PLXNB1: variants seen among roughly 807,000 people sequenced by gnomAD.
PLXNB1 encodes plexin B1.
Under a neutral mutation model 209.4 loss-of-function variants are expected in PLXNB1, and 106 were observed. That is an observed-to-expected ratio of 0.51 (90% confidence interval 0.43 to 0.59). The LOEUF (loss-of-function observed/expected upper bound fraction) is 0.59. PLXNB1 is among the 20% of genes least tolerant of loss of function. The pLI, the probability that PLXNB1 is intolerant of heterozygous loss-of-function variation, is 0.00. For synonymous variants in PLXNB1, 1,167 were observed against 1,183.2 expected (o/e 0.99, Z 0.28); for missense variants, 2,357 against 2,853.2 (o/e 0.83, Z 3.96).
chr3:48,418,531 C>A lies in PLXNB1; in HGVS notation c.2967G>T (p.Glu989Asp), dbSNP rs1232672150. 6.2e-7 allele frequency: 1 copy of A among 1,600,820 alleles called. No individual in the cohort carries two copies. The highest frequency in any genetic ancestry group is 2.3e-5 in the East Asian group (1 of 43,752). The change falls in exon 14 of 38, where the codon GAG becomes GAT. Residue 989 changes from glutamate to aspartate, a missense_variant. Physicochemically the swap from Glu to Asp is conservative, Grantham distance 45 (BLOSUM62 2). Coordinates refer to ENST00000296440, the MANE Select transcript of PLXNB1 (RefSeq NM_001130082.3). This position sits in a 1 kb window ranked among gnomAD's most constrained non-coding sequence, Gnocchi z 6.6. ...CCACACGGAGCTCCGGCTGCAGAGC[C>A]TCATAGCTGAGCTGGAGAAATGGGA... ...VTCQQHQLSY[E>D]ALQPELRVGL...
At chr3:48,428,842 C>G (rs1391359756) in intron 1 of PLXNB1, among the ~76,000 whole-genome samples, 1 of 144,630 alleles carries the variant, frequency 6.9e-6, no homozygotes, top group Non-Finnish European at 1.5e-5. Flanking sequence ...TCAGGAGGCT[C>G]GAGGTCCGCC....
Position 48,413,536 on chromosome 3 carries a change from G to T in PLXNB1, c.4535+134C>A. On this transcript the variant is annotated intron_variant, in intron 23 of 37. Transcript: ENST00000296440. This position sits in a 1 kb window ranked among gnomAD's most constrained non-coding sequence, Gnocchi z 5.4. ...TGAGTTGTTGAACAGAGACCACTTG[G>T]CCTGCAAAGCGAAAATATTTACTCT... 3.2e-6 allele frequency: 3 copies of T among 946,492 alleles called. No homozygotes were observed. Among genetic ancestry groups the T allele is most frequent in the Non-Finnish European group, 4.6e-6 (3 of 650,774 alleles). 58.6% of individuals were successfully genotyped at this position (946,492 alleles called of 1,614,324 possible). A position where few individuals can be genotyped will look rare whatever the true frequency, so the allele number is the denominator to read the frequency against.
chr3:48,412,809 C>T lies in PLXNB1; in HGVS notation c.4787G>A (p.Arg1596Gln), dbSNP rs766760689. Residue 1596 changes from arginine (R) to glutamine (Q), a missense_variant, in exon 25 of 38, where the codon CGG becomes CAG. Physicochemically the swap from Arg to Gln is conservative, Grantham distance 43. Transcript: ENST00000296440. ...HRDLGVPESRRPTVEQGLGQL... is the reference protein window; with the variant it reads ...HRDLGVPESRQPTVEQGLGQL... ...CCCCAGCCCTTGCTCCACAGTGGGCCGTCTGCTCTCAGGCACACCCAGGTC... is the reference window on the plus strand; with the variant it reads ...CCCCAGCCCTTGCTCCACAGTGGGCTGTCTGCTCTCAGGCACACCCAGGTC... The T allele has an allele frequency of 1.2e-6, 2 of 1,613,634 alleles. No homozygotes were observed. The highest frequency in any genetic ancestry group is 2.2e-5 in the East Asian group (1 of 44,870).
At chr3:48,420,578 A>T in intron 10 of PLXNB1, 87 bp downstream of exon 10, 4 of 1,065,846 alleles carry the variant, frequency 3.8e-6, no homozygotes, top group Non-Finnish European at 5.8e-6. Context: ...AGCCTCACAT[A>T]GGCAGACAGA....
rs752392631 is a variant in PLXNB1 at position 48,421,404 on chromosome 3, C to CAT, written c.1654-21_1654-20insAT. The CAT allele has an allele frequency of 4.6e-6, 7 of 1,521,876 alleles. No homozygotes were observed. The highest frequency in any genetic ancestry group is 6.2e-6 in the Non-Finnish European group (7 of 1,132,534). The allele number at this position is 1,521,876 out of a possible 1,614,324, so 94.3% of individuals were successfully genotyped here. ...GAAAACCTGCCAAGAGAGCCAGGGA[C>CAT]ACACTGTTGGGGCTAGTGGGCAGCA... On this transcript the variant is annotated intron_variant, in intron 7 of 37. Transcript: ENST00000296440.
At chr3:48,428,699 G>A (rs1467146689) in intron 1 of PLXNB1, among the ~76,000 whole-genome samples, 1 of 151,698 alleles carries the variant, frequency 6.6e-6, no homozygotes, top group Non-Finnish European at 1.5e-5. Flanking sequence ...TGCCCGCCCT[G>A]TTTTCTGTGT....
Position 48,422,365 on chromosome 3 carries a change from G to A in PLXNB1, c.1385C>T (p.Thr462Ile). 1.2e-6 allele frequency: 2 copies of A among 1,610,050 alleles called. No homozygotes were observed. Among genetic ancestry groups the A allele is most frequent in the Non-Finnish European group, 1.7e-6 (2 of 1,178,050 alleles). The change falls in exon 5 of 38, where the codon ACC becomes ATC. Residue 462 changes from threonine (T) to isoleucine (I), a missense_variant. Physicochemically the swap from Thr to Ile is moderately conservative, Grantham distance 89 (BLOSUM62 -1). Transcript: ENST00000296440. ...GGTCATGACATACAGGTGCTCAAAG[G>A]TCCCATCAAAGGTGAGGTCTCTGCT... ...AVSRDLTFDG[T>I]FEHLYVMTQS...
Position 48,410,793 on chromosome 3 carries a change from T to C in PLXNB1, c.5416+75A>G. The C allele has an allele frequency of 7.1e-7, 1 of 1,411,734 alleles. No individual in the cohort carries two copies. 87.5% of individuals were successfully genotyped at this position (1,411,734 alleles called of 1,614,324 possible). On this transcript the variant is annotated intron_variant, in intron 29 of 37. Transcript: ENST00000296440. The surrounding 1 kb of genome is among the most constrained non-coding windows in gnomAD (Gnocchi z 6.4). ...CCTCCCCACCCTGAGTGATGAGTTG[T>C]CCCTGCAGAGTTGGTCCGGGGCCAG...
Position 48,409,354 on chromosome 3 carries a change from G to A in PLXNB1, c.6062C>T (p.Thr2021Ile), listed in dbSNP as rs374356441. ...VIAQTFMDAC[T>I]LADHKLGRDS... is the part of the protein sequence containing the mutation. ...CCGGCCCAGCTTGTGGTCGGCCAGG[G>A]TGCAGGCGTCCATGAAGGTCTGTGC... The change falls in exon 34 of 38, where the codon ACC (threonine) becomes ATC (isoleucine). Residue 2021 changes from threonine (T) to isoleucine (I), a missense_variant. This residue lies in a region of PLXNB1 where 414 missense variants were observed against 520.5 expected (regional missense o/e 0.80). Transcript: ENST00000296440. This position sits in a 1 kb window ranked among gnomAD's most constrained non-coding sequence, Gnocchi z 5.8. 2.4e-5 allele frequency: 39 copies of A among 1,614,070 alleles called. No individual in the cohort carries two copies. Among genetic ancestry groups the A allele is most frequent in the Non-Finnish European group, 3.0e-5 (35 of 1,180,048 alleles).
chr3:48,408,871 G>A (rs375016824), intron 34 of PLXNB1, among the ~76,000 whole-genome samples: 4 of 151,926 alleles, frequency 2.6e-5, no homozygotes, highest in Non-Finnish European at 4.4e-5. Context: ...CCTCCCACCC[G>A]GCTTGAACCC....
chr3:48,408,616 T>C (rs1208817988), intron 34 of PLXNB1, among the ~76,000 whole-genome samples: 1 of 151,884 alleles, frequency 6.6e-6, no homozygotes, highest in Admixed American at 6.6e-5. Flanking sequence ...CTCCATGAAC[T>C]CTCTTCCCTA....
rs2037695963 is a variant in PLXNB1, at chr3:48,411,727, G to A, written c.5247+136C>T. ...CTAGTCTGATGGGCTCTCTCCAGGA[G>A]CCAGCCAGAGGTCAACCCAGCTCTA... On this transcript the variant is annotated intron_variant, in intron 28 of 37. Transcript: ENST00000296440. The surrounding 1 kb of genome is among the most constrained non-coding windows in gnomAD (Gnocchi z 4.0). 4.0e-6 allele frequency: 4 copies of A among 994,106 alleles called. No homozygotes were observed. In the South Asian group the frequency reaches 4.7e-5, roughly 12 times the overall value. The allele number at this position is 994,106 out of a possible 1,614,324, so 61.6% of individuals were successfully genotyped here.
At chr3:48,421,884 G>A in intron 6 of PLXNB1, 78 bp from the exon 7 acceptor site, 1 of 1,535,728 alleles carries the variant, frequency 6.5e-7, no homozygotes, top group Non-Finnish European at 8.8e-7. Context: ...CCTACAATCT[G>A]GAGGACCTGG....
In PLXNB1 at chr3:48,409,091, C is replaced by G. The variant is rs1575379002; in HGVS notation, c.6087+238G>C. Among the ~76,000 whole-genome samples, 1 of 152,352 alleles carries G rather than the reference C, an allele frequency of 6.6e-6. No homozygotes were observed. Among genetic ancestry groups the G allele is most frequent in the East Asian group, 1.9e-4 (1 of 5,182 alleles). On this transcript the variant is annotated intron_variant, in intron 34 of 37. Coordinates refer to ENST00000296440, the MANE Select transcript of PLXNB1 (RefSeq NM_001130082.3). The surrounding 1 kb of genome is among the most constrained non-coding windows in gnomAD (Gnocchi z 5.8). The stretch of plus-strand genomic sequence containing the variant: ...CCACGCCTGGCCAGCATTCTATGCC[C>G]CAGCCACACCAGGCTGTACTTGCTG...
chr3:48,412,388 C>T, intron 26 of PLXNB1, 54 bp downstream of exon 26: 2 of 1,611,218 alleles, frequency 1.2e-6, no homozygotes, highest in Non-Finnish European at 1.7e-6. Flanking sequence ...AGCCCGAGGC[C>T]CCACCCCAGC....
Position 48,410,977 on chromosome 3 carries a change from C to T in PLXNB1, c.5307G>A (p.Val1769=). The change falls in exon 29 of 38, where the codon GTG becomes GTA. Residue 1769 remains valine, a synonymous_variant. Coordinates refer to ENST00000296440, the MANE Select transcript of PLXNB1 (RefSeq NM_001130082.3). This position sits in a 1 kb window ranked among gnomAD's most constrained non-coding sequence, Gnocchi z 6.4. ...PGAGEAQGVP[V]KVLDCDTISQ... ...AGATGGTGTCACAGTCTAGGACCTT[C>T]ACGGGCACGCCCTGGGCCTCTCCTG... 6.2e-7 allele frequency: 1 copy of T among 1,613,936 alleles called. No homozygotes were observed. Among genetic ancestry groups the T allele is most frequent in the Non-Finnish European group, 8.5e-7 (1 of 1,179,990 alleles).
chr3:48,414,330 A>T (rs2037921944), intron 21 of PLXNB1, among the ~76,000 whole-genome samples: 1 of 152,152 alleles, frequency 6.6e-6, no homozygotes, highest in Admixed American at 6.5e-5. Context: ...CCAGCTACCT[A>T]ACAAAGCTGG....
chr3:48,409,754 A>T lies in PLXNB1; in HGVS notation c.5779-23T>A. The T allele has an allele frequency of 1.2e-6, 2 of 1,609,812 alleles. No individual in the cohort carries two copies. The highest frequency in any genetic ancestry group is 1.7e-6 in the Non-Finnish European group (2 of 1,177,812). ...GCCCTGTGGGAAGGAAGAAGCAGAG[A>T]GGTGTGGTCAGCAAAGGGCCCTCAG... On this transcript the variant is annotated intron_variant, in intron 32 of 37. Coordinates refer to ENST00000296440, the MANE Select transcript of PLXNB1 (RefSeq NM_001130082.3). The surrounding 1 kb of genome is among the most constrained non-coding windows in gnomAD (Gnocchi z 5.8).
chr3:48,419,773 G>T lies in PLXNB1; in HGVS notation c.2513C>A (p.Ala838Asp), dbSNP rs748270877. The change falls in exon 11 of 38, where the codon GCC becomes GAC. Residue 838 changes from alanine (A) to aspartate (D), a missense_variant. This residue lies in a region of PLXNB1 where 410 missense variants were observed against 401.0 expected (regional missense o/e 1.02). Coordinates refer to ENST00000296440, the MANE Select transcript of PLXNB1 (RefSeq NM_001130082.3). The surrounding 1 kb of genome is among the most constrained non-coding windows in gnomAD (Gnocchi z 5.7). ...FPGAMGSVKP[A>D]LDWLTREGGE... ...GCCTTCTCTCGTGAGCCAGTCCAGG[G>T]CGGGCTTCACGGAGCCCATGGCCCC... The T allele has an allele frequency of 6.2e-7, 1 of 1,605,738 alleles. No homozygotes were observed. The highest frequency in any genetic ancestry group is 8.5e-7 in the Non-Finnish European group (1 of 1,176,622).
Sources: allele counts gnomAD v4.1 joint callset (sites outside exome capture counted in the v4.1 genomes callset), GRCh38; gene constraint gnomAD v4.1.1; regional missense constraint gnomAD v4.1.1; non-coding constraint Gnocchi (gnomAD v3.1); transcripts MANE v1.5; gene names NCBI Gene and HGNC (gene_info 2026-07-23, HGNC 2026-07-21).